Variants in KATNIP observed in about 807,000 individuals in gnomAD.
The protein encoded by KATNIP is katanin-interacting protein.
Under a neutral mutation model 174.0 loss-of-function variants are expected in KATNIP, and 126 were observed. The observed-to-expected ratio is 0.72, with a 90% confidence interval of 0.63 to 0.84. KATNIP has a LOEUF of 0.84. Ranked by LOEUF, KATNIP falls within the 40% of genes least tolerant of loss-of-function variation. The probability of loss-of-function intolerance (pLI) is 0.00; values close to 1 mark genes in which losing one functional copy is unlikely to be tolerated. For missense variants in KATNIP, 1,958 were observed against 2,109.7 expected (o/e 0.93, Z 1.41); for synonymous variants, 810 against 835.7 (o/e 0.97, Z 0.53).
chr16:27,675,065 C>T (rs1041684387), intron 6 of KATNIP, among the ~76,000 whole-genome samples: 1 of 152,182 alleles, frequency 6.6e-6, no homozygotes, highest in African/African-American at 2.4e-5. Context: ...TAACAGTTAA[C>T]AACATTCCTG....
At chr16:27,564,184 G>A (rs1028545113) in intron 1 of KATNIP, among the ~76,000 whole-genome samples, 2 of 152,214 alleles carry the variant, frequency 1.3e-5, no homozygotes, top group African/African-American at 4.8e-5. Flanking sequence ...AACTGGCTGA[G>A]ATCCATGAAT....
intron 2 of KATNIP, among the ~76,000 whole-genome samples, chr16:27,596,109 C>T (rs2075326706): frequency 6.6e-6 from 1 of 152,116 alleles, no homozygotes; most frequent in Admixed American, 6.6e-5. Flanking sequence ...ACCTAGCAGG[C>T]TTTAACAGGA....
At chr16:27,665,969 A>C (rs565233651) in intron 6 of KATNIP, among the ~76,000 whole-genome samples, 1 of 152,202 alleles carries the variant, frequency 6.6e-6, no homozygotes, top group Non-Finnish European at 1.5e-5. Context: ...TCTCCCCTCT[A>C]TCTTTCAGGA....
At chr16:27,767,529 G>C (rs2082165351) in intron 20 of KATNIP, among the ~76,000 whole-genome samples, 1 of 152,114 alleles carries the variant, frequency 6.6e-6, no homozygotes, top group African/African-American at 2.4e-5. Context: ...AGACCAGCCT[G>C]GGCAATACAG....
chr16:27,713,815 TA>T (rs1555482136), intron 13 of KATNIP, among the ~76,000 whole-genome samples: 27 of 28,736 alleles, frequency 9.4e-4, no homozygotes, highest in African/African-American at 2.2e-3. Context: ...TATACATATA[TA>T]TATATATATA....
Position 27,777,660 on chromosome 16 carries a change from C to T in KATNIP, c.4602C>T (p.Ser1534=). 6.2e-7 allele frequency: 1 copy of T among 1,613,916 alleles called. No individual in the cohort carries two copies. Among genetic ancestry groups the T allele is most frequent in the Non-Finnish European group, 8.5e-7 (1 of 1,179,958 alleles). The change falls in exon 26 of 28, where the codon AGC becomes AGT. Residue 1534 remains serine (S), a synonymous_variant. Coordinates refer to ENST00000261588, the MANE Select transcript of KATNIP (RefSeq NM_015202.5). The surrounding 1 kb of genome is among the most constrained non-coding windows in gnomAD (Gnocchi z 4.4). ...LVYNGILAMV[S]HLVGGILPTC... is the part of the protein sequence containing the mutation. Reference sequence around the variant, plus strand: ...ACAATGGGATCCTGGCCATGGTGAGCCACCTGGTGGGGGGCATCCTGCCCA... The same window carrying T: ...ACAATGGGATCCTGGCCATGGTGAGTCACCTGGTGGGGGGCATCCTGCCCA...
intron 17 of KATNIP, among the ~76,000 whole-genome samples, chr16:27,753,127 T>C (rs1597379523): frequency 1.3e-5 from 2 of 151,186 alleles, no homozygotes; most frequent in South Asian, 4.2e-4. Flanking sequence ...AGCTGGGGAG[T>C]GCGTGCCCCT....
At chr16:27,661,918 A>G (rs1378863414) in intron 6 of KATNIP, among the ~76,000 whole-genome samples, 1 of 27,628 alleles carries the variant, frequency 3.6e-5, no homozygotes, top group East Asian at 1.3e-3. Flanking sequence ...GCTAATATAT[A>G]TATATATATA....
chr16:27,778,276 G>A (rs2082575094), intron 27 of KATNIP, among the ~76,000 whole-genome samples: 1 of 152,246 alleles, frequency 6.6e-6, no homozygotes, highest in Admixed American at 6.5e-5. Flanking sequence ...CCGGGCCGTG[G>A]GAAACCAATA....
At chr16:27,570,036 C>T in intron 1 of KATNIP, among the ~76,000 whole-genome samples, 1 of 152,148 alleles carries the variant, frequency 6.6e-6, no homozygotes, top group South Asian at 2.1e-4. Context: ...ACGTGAGCCA[C>T]TACATCTGTC....
chr16:27,643,590 CAAAAAAAAAAAAA>C (rs562253355), intron 5 of KATNIP, among the ~76,000 whole-genome samples: 3 of 40,488 alleles, frequency 7.4e-5, no homozygotes, highest in East Asian at 2.0e-3. Context: ...GACTCTGTCT[CAAAAAAAAAAAAA>C]AAAAAAAAAA....
chr16:27,768,924 G>A (rs989975083), intron 20 of KATNIP, among the ~76,000 whole-genome samples: 6 of 152,248 alleles, frequency 3.9e-5, no homozygotes, highest in Non-Finnish European at 8.8e-5. Flanking sequence ...TGCTGACCAC[G>A]AATGTGGGCT....
chr16:27,759,755 G>C (rs1597393949), intron 18 of KATNIP, among the ~76,000 whole-genome samples: 1 of 152,302 alleles, frequency 6.6e-6, no homozygotes, highest in East Asian at 1.9e-4. Context: ...TTCTGTCCCA[G>C]TGTTCAAAGC....
chr16:27,704,099 ATC>A, intron 12 of KATNIP, 101 bp downstream of exon 12: 1 of 890,368 alleles, frequency 1.1e-6, no homozygotes, highest in Non-Finnish European at 1.8e-6. Context: ...TTAAATGAGC[ATC>A]TCTCTGCCTG....
intron 15 of KATNIP, among the ~76,000 whole-genome samples, chr16:27,741,219 G>A: frequency 6.6e-6 from 1 of 152,142 alleles, no homozygotes; most frequent in South Asian, 2.1e-4. Flanking sequence ...AAAAGACTTT[G>A]TTCTCCTGCC....
At chr16:27,738,289 CA>C in intron 14 of KATNIP, among the ~76,000 whole-genome samples, 1 of 152,160 alleles carries the variant, frequency 6.6e-6, no homozygotes, top group East Asian at 1.9e-4. Flanking sequence ...GAAGGGGAGA[CA>C]GGGGTTACCA....
intron 1 of KATNIP, among the ~76,000 whole-genome samples, chr16:27,556,058 CGGAG>C (rs1229575321): frequency 2.0e-5 from 3 of 150,850 alleles, no homozygotes; most frequent in Non-Finnish European, 2.9e-5. Flanking sequence ...ACCTGGGAGG[CGGAG>C]GTTGCAGTGA....
chr16:27,690,852 C>A (rs1408187677), intron 8 of KATNIP, among the ~76,000 whole-genome samples: 1 of 152,152 alleles, frequency 6.6e-6, no homozygotes, highest in Admixed American at 6.5e-5. Flanking sequence ...TAGCTCCAGC[C>A]GATGGTTCCC....
intron 14 of KATNIP, among the ~76,000 whole-genome samples, chr16:27,738,559 T>C (rs1053765502): frequency 6.6e-6 from 1 of 152,128 alleles, no homozygotes; most frequent in Non-Finnish European, 1.5e-5. Context: ...CTGCGTGACA[T>C]AGGGGCATTT....
Sources: allele counts gnomAD v4.1 joint callset (sites outside exome capture counted in the v4.1 genomes callset), GRCh38; gene constraint gnomAD v4.1.1; non-coding constraint Gnocchi (gnomAD v3.1); transcripts MANE v1.5; gene names NCBI Gene and HGNC (gene_info 2026-07-23, HGNC 2026-07-21).